STAM: variants seen among roughly 807,000 people sequenced by gnomAD.
STAM encodes the protein signal transducing adapter molecule 1.
STAM carries 16 observed loss-of-function variants against 63.4 expected under a neutral mutation model. That is an observed-to-expected ratio of 0.25 (90% CI 0.17 to 0.38). The LOEUF (loss-of-function observed/expected upper bound fraction) is 0.38, where lower values mean the gene tolerates loss of function less well. Among genes scored for constraint, STAM ranks in the 10% least tolerant of loss-of-function variants. The pLI is 1.00. For synonymous variants in STAM, 238 were observed against 223.9 expected (o/e 1.06, Z -0.56); for missense variants, 636 against 657.1 (o/e 0.97, Z 0.35).
intron 1 of STAM, among the ~76,000 whole-genome samples, chr10:17,655,411 A>G (rs782655586): frequency 1.3e-5 from 2 of 152,178 alleles, no homozygotes; most frequent in African/African-American, 4.8e-5. Flanking sequence ...TAGGGTAGCT[A>G]GGTAGGTACC....
chr10:17,713,189 C>T (rs74118023), intron 13 of STAM, among the ~76,000 whole-genome samples: 11,438 of 152,256 alleles, frequency 0.075, 453 homozygotes, highest in Middle Eastern at 0.13. Context: ...TTCTCAGCCT[C>T]ATTTGCCTCT....
chr10:17,666,544 G>A (rs1554823410), intron 2 of STAM, among the ~76,000 whole-genome samples: 2 of 151,882 alleles, frequency 1.3e-5, no homozygotes, highest in South Asian at 2.1e-4. Flanking sequence ...ACAGGCACCC[G>A]CCACCATGCC....
chr10:17,687,220 A>C (rs1248350257), intron 4 of STAM, among the ~76,000 whole-genome samples: 1 of 152,180 alleles, frequency 6.6e-6, no homozygotes, highest in African/African-American at 2.4e-5. Flanking sequence ...CATGCCTGTA[A>C]TCGCAGCACT....
chr10:17,694,826 A>C, intron 6 of STAM: 1 of 403,776 alleles, frequency 2.5e-6, no homozygotes, highest in East Asian at 3.7e-5. Flanking sequence ...TAAAAATAGG[A>C]GTTTTCATGC....
chr10:17,652,335 A>G (rs1254841930), intron 1 of STAM, among the ~76,000 whole-genome samples: 1 of 152,204 alleles, frequency 6.6e-6, no homozygotes, highest in African/African-American at 2.4e-5. Flanking sequence ...AATGATGTGA[A>G]CAATTTTAGA....
At chr10:17,710,199 C>T (rs558612165) in intron 13 of STAM, among the ~76,000 whole-genome samples, 2 of 152,086 alleles carry the variant, frequency 1.3e-5, no homozygotes, top group African/African-American at 4.8e-5. Flanking sequence ...ACATGCTGCT[C>T]TACCTTCCTT....
At chr10:17,687,253 T>C (rs1030780247) in intron 4 of STAM, among the ~76,000 whole-genome samples, 3 of 152,134 alleles carry the variant, frequency 2.0e-5, no homozygotes, top group Non-Finnish European at 4.4e-5. Flanking sequence ...GGCGGGCGAA[T>C]CAGTTGGGGT....
chr10:17,680,030 T>C (rs1382314607), intron 2 of STAM, among the ~76,000 whole-genome samples: 1 of 152,164 alleles, frequency 6.6e-6, no homozygotes, highest in Admixed American at 6.6e-5. Context: ...AAAAAAAAAC[T>C]TGTGTTCATT....
At chr10:17,672,745 G>A (rs781877747) in intron 2 of STAM, among the ~76,000 whole-genome samples, 2 of 152,272 alleles carry the variant, frequency 1.3e-5, no homozygotes, top group South Asian at 4.1e-4. Context: ...CCTAATCAAA[G>A]AAAATGGAGT....
chr10:17,682,317 T>C (rs1244698749), intron 2 of STAM, among the ~76,000 whole-genome samples: 1 of 152,220 alleles, frequency 6.6e-6, no homozygotes, highest in Non-Finnish European at 1.5e-5. Flanking sequence ...TTCCTGTTTC[T>C]TGGGGAAGAG....
chr10:17,667,521 C>G, intron 2 of STAM, among the ~76,000 whole-genome samples: 1 of 152,268 alleles, frequency 6.6e-6, no homozygotes, highest in Non-Finnish European at 1.5e-5. Context: ...TCTTTGCGTT[C>G]GTCATTTTTT....
chr10:17,667,709 A>G (rs1554823609), intron 2 of STAM, among the ~76,000 whole-genome samples: 1 of 152,250 alleles, frequency 6.6e-6, no homozygotes, highest in Admixed American at 6.5e-5. Context: ...GAGTGCTATA[A>G]TGGAAAATAA....
chr10:17,667,615 A>G (rs377038873), intron 2 of STAM, among the ~76,000 whole-genome samples: 25 of 152,374 alleles, frequency 1.6e-4, no homozygotes, highest in East Asian at 1.5e-3. Context: ...TTTGCCGTCA[A>G]TGGTGCTAAT....
At chr10:17,681,963 A>G (rs1165580414) in intron 2 of STAM, among the ~76,000 whole-genome samples, 5 of 152,236 alleles carry the variant, frequency 3.3e-5, no homozygotes, top group African/African-American at 1.2e-4. Context: ...AAGCATCCCC[A>G]TGAAATGCAT....
intron 2 of STAM, among the ~76,000 whole-genome samples, chr10:17,673,246 A>G (rs545581717): frequency 6.6e-6 from 1 of 152,250 alleles, no homozygotes; most frequent in East Asian, 1.9e-4. Flanking sequence ...GCTTTATTAT[A>G]GTTCTATTAA....
chr10:17,708,842 C>G lies in STAM; in HGVS notation c.1276C>G (p.Gln426Glu). 1 of 1,614,184 alleles carries G rather than the reference C, an allele frequency of 6.2e-7. No individual in the cohort carries two copies. Among genetic ancestry groups the G allele is most frequent in the Non-Finnish European group, 8.5e-7 (1 of 1,180,006 alleles). ...AGGGAACGCGCAGATGAGCCACCTC[C>G]AGAGCTACAGTCTTCCCCCGGAGCA... Reference protein sequence around the residue: ...VAGNAQMSHLQSYSLPPEQLS... With the variant: ...VAGNAQMSHLESYSLPPEQLS... Residue 426 changes from glutamine to glutamate, a missense_variant, in exon 13 of 14, where the codon CAG becomes GAG. Physicochemically the swap from Gln to Glu is conservative, Grantham distance 29. Around this residue, in one of 3 missense-constraint regions of STAM, gnomAD observed 532 missense variants for 536.9 expected, o/e 0.99. Transcript: ENST00000377524.
intron 2 of STAM, among the ~76,000 whole-genome samples, chr10:17,679,107 T>G (rs1253542075): frequency 2.0e-5 from 3 of 152,198 alleles, no homozygotes; most frequent in Admixed American, 6.5e-5. Flanking sequence ...AGCTGGATTA[T>G]ATGTGGTTAT....
intron 10 of STAM, 141 bp downstream of exon 10, chr10:17,704,659 C>G: frequency 2.8e-6 from 2 of 709,020 alleles, no homozygotes; most frequent in Non-Finnish European, 4.7e-6. Flanking sequence ...CTCTCATATG[C>G]AGTTGAAACC....
In STAM at chr10:17,714,739, C is replaced by T. The variant is rs1014820929; in HGVS notation, c.1582C>T (p.Pro528Ser). The change falls in exon 14 of 14, where the codon CCT becomes TCT. Residue 528 changes from proline to serine, a missense_variant. Coordinates refer to ENST00000377524, the MANE Select transcript of STAM (RefSeq NM_003473.4). The stretch of plus-strand genomic sequence containing the variant: ...TCAGCCCGGAGGCAGCCAACAGCCA[C>T]CTCAGCCACAGCAACCATATTCTCA... ...LPQPGGSQQP[P>S]QPQQPYSQKA... 6.2e-7 allele frequency: 1 copy of T among 1,614,126 alleles called. No individual in the cohort carries two copies. Among genetic ancestry groups the T allele is most frequent in the Non-Finnish European group, 8.5e-7 (1 of 1,180,006 alleles).
Sources: gnomAD v4.1 joint callset for allele counts (sites outside exome capture counted in the v4.1 genomes callset) on GRCh38, gnomAD v4.1.1 for gene constraint, gnomAD v4.1.1 regional missense constraint, MANE v1.5 for transcripts, NCBI Gene and HGNC (gene_info 2026-07-23, HGNC 2026-07-21) for gene names.